The following TIAM1 variants were observed in gnomAD, a reference collection of about 807,000 sequenced individuals.
TIAM1 encodes TIAM Rac1 associated GEF 1, also known as rho guanine nucleotide exchange factor TIAM1.
TIAM1 carries 65 observed loss-of-function variants against 163.5 expected under a neutral mutation model. The observed-to-expected ratio is 0.40, with a 90% CI of 0.33 to 0.49. The LOEUF is 0.49. Among genes scored for constraint, TIAM1 ranks in the 20% least tolerant of loss-of-function variants. The pLI, the probability that TIAM1 is intolerant of heterozygous loss-of-function variation, is 0.77. For missense variants in TIAM1, 1,789 were observed against 2,044.7 expected (o/e 0.87, Z 2.41); for synonymous variants, 833 against 810.1 (o/e 1.03, Z -0.48).
At chr21:31,477,247 G>T (rs2833421) in intron 1 of TIAM1, among the ~76,000 whole-genome samples, 37,703 of 152,008 alleles carry the variant, frequency 0.25, 5,227 homozygotes, top group African/African-American at 0.38. Flanking sequence ...AATCATAATT[G>T]GGCTTTGCAT....
chr21:31,452,135 C>A (rs2044884437), intron 2 of TIAM1, among the ~76,000 whole-genome samples: 1 of 152,120 alleles, frequency 6.6e-6, no homozygotes. Context: ...CAGGACATGA[C>A]AAAATGATGA....
intron 2 of TIAM1, among the ~76,000 whole-genome samples, chr21:31,360,142 C>T (rs913160431): frequency 2.6e-5 from 4 of 152,080 alleles, no homozygotes; most frequent in Non-Finnish European, 5.9e-5. Flanking sequence ...AGGCAGAGAG[C>T]CGACTTCTCA....
At chr21:31,332,133 C>T (rs1458911049) in intron 2 of TIAM1, among the ~76,000 whole-genome samples, 1 of 151,966 alleles carries the variant, frequency 6.6e-6, no homozygotes, top group Non-Finnish European at 1.5e-5. Flanking sequence ...TACATGAAAC[C>T]CCCTACTCCT....
At chr21:31,237,008 A>G (rs903990826) in intron 6 of TIAM1, among the ~76,000 whole-genome samples, 13 of 152,238 alleles carry the variant, frequency 8.5e-5, no homozygotes, top group Non-Finnish European at 1.5e-5. Flanking sequence ...GAATATAGAA[A>G]CAAAGAGAAA....
chr21:31,478,005 C>T (rs929225868), intron 1 of TIAM1, among the ~76,000 whole-genome samples: 1 of 152,190 alleles, frequency 6.6e-6, no homozygotes, highest in Non-Finnish European at 1.5e-5. Context: ...AGAATAACAA[C>T]CAGCTTAGGC....
chr21:31,427,419 G>T (rs139578807), intron 2 of TIAM1, among the ~76,000 whole-genome samples: 430 of 152,054 alleles, frequency 2.8e-3, no homozygotes, highest in Non-Finnish European at 5.2e-3. Context: ...CCTGGAAGGC[G>T]GGGGTTGCAG....
At chr21:31,126,805 C>G (rs1346286356) in intron 26 of TIAM1, among the ~76,000 whole-genome samples, 1 of 151,954 alleles carries the variant, frequency 6.6e-6, no homozygotes, top group Admixed American at 6.6e-5. Flanking sequence ...AAGTAGAAGC[C>G]CACATCATGA....
intron 23 of TIAM1, among the ~76,000 whole-genome samples, chr21:31,133,539 G>A (rs764857566): frequency 6.6e-6 from 1 of 152,228 alleles, no homozygotes; most frequent in Non-Finnish European, 1.5e-5. Flanking sequence ...ATCGGAGCCT[G>A]TGCAGAAAGT....
rs1296683176 is a variant in TIAM1 at position 31,118,570 on chromosome 21, G to A, written c.*1798C>T. 2.1e-6 allele frequency: 1 copy of A among 471,514 alleles called. No individual in the cohort carries two copies. Among genetic ancestry groups the A allele is most frequent in the African/African-American group, 2.0e-5 (1 of 50,006 alleles). 29.2% of individuals were successfully genotyped at this position (471,514 alleles called of 1,614,324 possible). ...ATGACCTTATGTACAAGAGACAATG[G>A]CACCCTCTCCAAGCACCAGACTTCC... is the stretch of plus-strand genomic sequence containing the variant. On this transcript the variant is annotated 3_prime_UTR_variant, in exon 28 of 28. Transcript: ENST00000541036.
intron 1 of TIAM1, among the ~76,000 whole-genome samples, chr21:31,535,380 C>CAAAAAAA (rs59742048): frequency 1.3e-4 from 7 of 54,300 alleles, no homozygotes; most frequent in African/African-American, 4.3e-4. Flanking sequence ...GGCTCCATCT[C>CAAAAAAA]AAAAAAAAAA....
At chr21:31,293,312 G>A (rs1247528327) in intron 2 of TIAM1, among the ~76,000 whole-genome samples, 1 of 152,084 alleles carries the variant, frequency 6.6e-6, no homozygotes, top group Non-Finnish European at 1.5e-5. Flanking sequence ...ATTGGATGAG[G>A]CCTACCAATG....
At chr21:31,474,734 G>A (rs2284526) in intron 1 of TIAM1, among the ~76,000 whole-genome samples, 18,816 of 151,660 alleles carry the variant, frequency 0.12, 1,265 homozygotes, top group Admixed American at 0.14. Context: ...TAGTAGAGAC[G>A]GGGTTTCCTC....
intron 6 of TIAM1, among the ~76,000 whole-genome samples, chr21:31,228,245 A>AAAATAATCTGATAAGGATTTTTCCTTT (rs2088156442): frequency 1.5e-5 from 1 of 67,090 alleles, no homozygotes; most frequent in Non-Finnish European, 3.8e-5. Context: ...AAAAAAAAAA[A>AAAATAATCTGATAAGGATTTTTCCTTT]AAAAAAAAAA....
chr21:31,442,948 G>T lies in TIAM1; in HGVS notation c.-369+21035C>A, dbSNP rs1602290556. 3.3e-5 allele frequency among the ~76,000 whole-genome samples: 5 copies of T among 152,370 alleles called. No individual in the cohort carries two copies. The South Asian group carries it at 1.0e-3, about 32-fold the overall frequency. On this transcript the variant is annotated intron_variant, in intron 2 of 28. Coordinates refer to the TIAM1 transcript ENST00000286827. ...TGAAGAAGTCCCCAGGGACTGGTCA[G>T]GTTGGATCCAGTGTTTCAATGAACT...
At chr21:31,323,292 A>T (rs1270789599) in intron 2 of TIAM1, among the ~76,000 whole-genome samples, 1 of 152,014 alleles carries the variant, frequency 6.6e-6, no homozygotes, top group Non-Finnish European at 1.5e-5. Context: ...TGATTCAAAA[A>T]AAAAAAAAAG....
At chr21:31,172,729 G>A (rs1426126096) in intron 15 of TIAM1, among the ~76,000 whole-genome samples, 3 of 152,138 alleles carry the variant, frequency 2.0e-5, no homozygotes, top group Non-Finnish European at 4.4e-5. Context: ...AGAGCCCGGC[G>A]CAGTGGCTCA....
intron 7 of TIAM1, among the ~76,000 whole-genome samples, chr21:31,225,010 A>C (rs576337316): frequency 1.1e-4 from 16 of 151,926 alleles, no homozygotes; most frequent in Admixed American, 2.0e-4. Flanking sequence ...AGATAGATAT[A>C]TCTCTCTCTA....
intron 6 of TIAM1, among the ~76,000 whole-genome samples, chr21:31,230,113 T>C (rs1427312092): frequency 6.6e-6 from 1 of 152,116 alleles, no homozygotes; most frequent in Non-Finnish European, 1.5e-5. Context: ...ACCTCTCTCA[T>C]CTCTGCCTCA....
intron 1 of TIAM1, among the ~76,000 whole-genome samples, chr21:31,340,476 G>A (rs554597177): frequency 5.7e-4 from 87 of 152,240 alleles, no homozygotes; most frequent in African/African-American, 1.7e-3. Flanking sequence ...TCTGTGGCAC[G>A]AAACTGCTAT....
Sources: allele counts gnomAD v4.1 joint callset (sites outside exome capture counted in the v4.1 genomes callset), GRCh38; gene constraint gnomAD v4.1.1; transcripts MANE v1.5; gene names NCBI Gene and HGNC (gene_info 2026-07-23, HGNC 2026-07-21).